Variants in SPAST observed in about 807,000 individuals in gnomAD.
The protein encoded by SPAST is spastic paraplegia 4 (autosomal dominant; spastin).
Under a neutral mutation model 76.6 loss-of-function variants are expected in SPAST, and 30 were observed. The ratio of observed to expected loss-of-function variants is 0.39; its 90% confidence interval spans 0.29 to 0.53. The LOEUF is 0.53. Among genes scored for constraint, SPAST ranks in the 20% least tolerant of loss-of-function variants. The probability of loss-of-function intolerance (pLI) is 0.68; values close to 1 mark genes in which losing one functional copy is unlikely to be tolerated. For missense variants in SPAST, 717 were observed against 770.5 expected (o/e 0.93, Z 0.82); for synonymous variants, 305 against 281.0 (o/e 1.09, Z -0.86).
chr2:32,070,419 C>T (rs1157889729), intron 1 of SPAST, among the ~76,000 whole-genome samples: 1 of 152,060 alleles, frequency 6.6e-6, no homozygotes, highest in East Asian at 1.9e-4. Context: ...TTATCTGAAA[C>T]CAAACTATTT....
chr2:32,131,811 C>A (rs13014545), intron 9 of SPAST, among the ~76,000 whole-genome samples: 4 of 151,560 alleles, frequency 2.6e-5, no homozygotes, highest in Non-Finnish European at 5.9e-5. Flanking sequence ...TACAGGCACC[C>A]GCCACGACAC....
chr2:32,083,008 G>A (rs1232998102), intron 1 of SPAST, among the ~76,000 whole-genome samples: 1 of 151,662 alleles, frequency 6.6e-6, no homozygotes, highest in African/African-American at 2.4e-5. Flanking sequence ...GTCTTGCTCT[G>A]TTGCCCAGGC....
At chr2:32,149,256 A>ATTTTTTTTTTTTTTTT (rs59020104) in intron 16 of SPAST, among the ~76,000 whole-genome samples, 1 of 123,602 alleles carries the variant, frequency 8.1e-6, no homozygotes, top group Non-Finnish European at 1.6e-5. Context: ...CGCCCAGCTA[A>ATTTTTTTTTTTTTTTT]TTTTTTTTTT....
chr2:32,079,259 G>A lies in SPAST; in HGVS notation c.416-8233G>A, dbSNP rs569344806. Among the ~76,000 whole-genome samples, 8 of 152,184 alleles carry A rather than the reference G, an allele frequency of 5.3e-5. No individual in the cohort carries two copies. In the South Asian group the frequency reaches 1.7e-3, roughly 31 times the overall value. On this transcript the variant is annotated intron_variant, in intron 1 of 16. Transcript: ENST00000315285. Reference sequence around the variant, plus strand: ...AGGCTGGGTGCGGTGGCTCACGCCTGTAATCGCAACATTTTGGGAGGCTAA... The same window carrying A: ...AGGCTGGGTGCGGTGGCTCACGCCTATAATCGCAACATTTTGGGAGGCTAA...
At chr2:32,112,852 C>T (rs979851220) in intron 4 of SPAST, among the ~76,000 whole-genome samples, 3 of 151,474 alleles carry the variant, frequency 2.0e-5, no homozygotes, top group African/African-American at 4.8e-5. Flanking sequence ...TTTTTGGCCA[C>T]TCTAATTTGC....
intron 4 of SPAST, among the ~76,000 whole-genome samples, chr2:32,108,719 G>A (rs1678417660): frequency 6.7e-6 from 1 of 148,836 alleles, no homozygotes; most frequent in African/African-American, 2.5e-5. Context: ...CCAGAGTGTT[G>A]GGATTATAGG....
chr2:32,097,890 G>A (rs1366897123), intron 3 of SPAST, among the ~76,000 whole-genome samples: 1 of 151,758 alleles, frequency 6.6e-6, no homozygotes, highest in Non-Finnish European at 1.5e-5. Context: ...AGTAGAGACA[G>A]GGTTTCACTG....
At position 32,133,778 on chromosome 2, in the gene SPAST, GA is replaced by G. The variant is rs72330209; in HGVS notation, c.1246-2776del. 2.6e-3 allele frequency among the ~76,000 whole-genome samples: 389 copies of G among 150,310 alleles called. 14 individuals carry two copies. In the East Asian group the frequency reaches 0.055, roughly 21 times the overall value. On this transcript the variant is annotated intron_variant, in intron 9 of 16. Transcript: ENST00000315285. ...TATGCTGCTAGATTTAAATACTAGG[GA>G]AAAAAAAATCAGAGAAGTTAATAAT... is the stretch of plus-strand genomic sequence containing the variant.
Position 32,087,391 on chromosome 2 carries a change from G to C in SPAST, c.416-101G>C, listed in dbSNP as rs1677525419. 3 of 691,146 alleles carry C rather than the reference G, an allele frequency of 4.3e-6. No homozygotes were observed. In the South Asian group the frequency reaches 4.7e-5, roughly 11 times the overall value. The allele number at this position is 691,146 out of a possible 1,614,324, so 42.8% of individuals were successfully genotyped here. ...TTATATAGTAATGTTTCTCAGACTT[G>C]TTCACAACCCTGTTTTTTATGTATT... On this transcript the variant is annotated intron_variant, in intron 1 of 16. Transcript: ENST00000315285.
chr2:32,099,908 G>A (rs1006365940), intron 4 of SPAST, among the ~76,000 whole-genome samples: 1 of 151,592 alleles, frequency 6.6e-6, no homozygotes, highest in African/African-American at 2.4e-5. Flanking sequence ...TTATTCATTC[G>A]TCTGTTCTTG....
At chr2:32,136,462 A>G in intron 9 of SPAST, 101 bp from the exon 10 acceptor site, 2 of 892,634 alleles carry the variant, frequency 2.2e-6, no homozygotes, top group Admixed American at 3.6e-5. Flanking sequence ...GTTTTAAGGA[A>G]GGGAAATTAA....
chr2:32,082,248 C>T (rs1047664914), intron 1 of SPAST, among the ~76,000 whole-genome samples: 2 of 151,492 alleles, frequency 1.3e-5, no homozygotes, highest in East Asian at 3.9e-4. Context: ...CTGCCTCAGC[C>T]TTCCAAAGTG....
Position 32,063,624 on chromosome 2 carries a change from G to T in SPAST, c.-208G>T. On this transcript the variant is annotated 5_prime_UTR_variant, in exon 1 of 17. Transcript: ENST00000315285. The stretch of plus-strand genomic sequence containing the variant: ...CAGGAAGGGAGGGGCCCGAGCCACC[G>T]ACTGCAGGAGGAGAAGGGGTTGTGC... The T allele has an allele frequency of 1.6e-6, 1 of 607,586 alleles. No homozygotes were observed. 37.6% of individuals were successfully genotyped at this position (607,586 alleles called of 1,614,324 possible).
At chr2:32,145,922 G>A (rs139443488) in intron 15 of SPAST, among the ~76,000 whole-genome samples, 2 of 152,284 alleles carry the variant, frequency 1.3e-5, no homozygotes, top group African/African-American at 4.8e-5. Context: ...GAATGTAGTT[G>A]TACGAGAAAG....
Position 32,064,084 on chromosome 2 carries a change from G to T in SPAST, c.253G>T (p.Ala85Ser). 3.7e-6 allele frequency: 6 copies of T among 1,611,770 alleles called. No individual in the cohort carries two copies. The highest frequency in any genetic ancestry group is 5.1e-6 in the Non-Finnish European group (6 of 1,179,090). Residue 85 changes from alanine (A) to serine (S), a missense_variant, in exon 1 of 17, where the codon GCC becomes TCC. Around this residue, in one of 3 missense-constraint regions of SPAST, gnomAD observed 543 missense variants for 445.2 expected, o/e 1.22. Transcript: ENST00000315285. Reference sequence around the variant, plus strand: ...GTGGCTCTGCCAGCGCTTCTCCCGCGCCCTCATGGCAGCCAAGAGGAGCTC... The same window carrying T: ...GTGGCTCTGCCAGCGCTTCTCCCGCTCCCTCATGGCAGCCAAGAGGAGCTC... ...FVWLCQRFSR[A>S]LMAAKRSSGA...
At chr2:32,083,776 ATTTTTTTT>A (rs1178658126) in intron 1 of SPAST, among the ~76,000 whole-genome samples, 1 of 46,058 alleles carries the variant, frequency 2.2e-5, no homozygotes, top group Non-Finnish European at 3.7e-5. Context: ...ATATATATAT[ATTTTTTTT>A]TTTTTTTGAG....
intron 4 of SPAST, among the ~76,000 whole-genome samples, chr2:32,102,579 C>T (rs975294224): frequency 6.6e-6 from 1 of 152,156 alleles, no homozygotes; most frequent in Admixed American, 6.6e-5. Context: ...CAGTTTTTGC[C>T]CATTCAGTAT....
At position 32,069,007 on chromosome 2, in the gene SPAST, C is replaced by T. The variant is rs370392645; in HGVS notation, c.415+4761C>T. ...GGCGGATCACTTGTAGTCAGAAGTTCGCGACCAGCCTGGCCAACATATTAG... is the reference window on the plus strand; with the variant it reads ...GGCGGATCACTTGTAGTCAGAAGTTTGCGACCAGCCTGGCCAACATATTAG... On this transcript the variant is annotated intron_variant, in intron 1 of 16. Transcript: ENST00000315285. 4.8e-4 allele frequency among the ~76,000 whole-genome samples: 73 copies of T among 151,848 alleles called. 1 individual carries two copies. In the East Asian group the frequency reaches 0.012, roughly 25 times the overall value.
At chr2:32,070,899 A>AT (rs1049741529) in intron 1 of SPAST, among the ~76,000 whole-genome samples, 16 of 152,368 alleles carry the variant, frequency 1.1e-4, no homozygotes, top group African/African-American at 3.8e-4. Flanking sequence ...TGTGATAGCC[A>AT]TTTTATATAA....
Sources: gnomAD v4.1 joint callset for allele counts (sites outside exome capture counted in the v4.1 genomes callset) on GRCh38, gnomAD v4.1.1 for gene constraint, gnomAD v4.1.1 regional missense constraint, MANE v1.5 for transcripts, NCBI Gene and HGNC (gene_info 2026-07-23, HGNC 2026-07-21) for gene names.